EPN1: variants seen among roughly 807,000 people sequenced by gnomAD.
EPN1 encodes epsin-1.
A neutral mutation model predicts 56.9 loss-of-function variants in EPN1; 25 were observed. That is an observed-to-expected ratio of 0.44 (90% CI 0.32 to 0.61). The LOEUF (loss-of-function observed/expected upper bound fraction) is 0.61, where lower values mean the gene tolerates loss of function less well. EPN1 is among the 20% of genes least tolerant of loss of function. The pLI is 0.05. For synonymous variants in EPN1, 411 were observed against 361.8 expected (o/e 1.14, Z -1.54); for missense variants, 785 against 823.7 (o/e 0.95, Z 0.58).
In EPN1 at chr19:55,692,753, C is replaced by T. The variant is rs1361376045; in HGVS notation, c.1134C>T (p.Pro378=). 1.9e-6 allele frequency: 3 copies of T among 1,586,560 alleles called. No homozygotes were observed. Among genetic ancestry groups the T allele is most frequent in the African/African-American group, 1.3e-5 (1 of 74,432 alleles). The change falls in exon 8 of 11, where the codon CCC becomes CCT. Residue 378 remains proline, a synonymous_variant. Coordinates refer to ENST00000270460, the MANE Select transcript of EPN1 (RefSeq NM_001130072.2). Reference sequence around the variant, plus strand: ...CACCGGCCCCGGCCTTCTCAGATCCCTGGGGAGGGTCACCTGCCAAGCCCA... The same window carrying T: ...CACCGGCCCCGGCCTTCTCAGATCCTTGGGGAGGGTCACCTGCCAAGCCCA... The part of the protein sequence containing the change: ...PWTPAPAFSD[P]WGGSPAKPST...
Position 55,691,824 on chromosome 19 carries a change from G to T in EPN1, c.833G>T (p.Gly278Val). 1 of 1,610,064 alleles carries T rather than the reference G, an allele frequency of 6.2e-7. No homozygotes were observed. Among genetic ancestry groups the T allele is most frequent in the East Asian group, 2.2e-5 (1 of 44,810 alleles). Residue 278 changes from glycine (G) to valine (V), a missense_variant, in exon 7 of 11, where the codon GGC becomes GTC. Physicochemically the swap from Gly to Val is moderately radical, Grantham distance 109. Transcript: ENST00000270460. The surrounding 1 kb of genome is among the most constrained non-coding windows in gnomAD (Gnocchi z 5.6). ...GCCCCGACCACAGACCCCTGGGGGG[G>T]CCCAGCACCCATGGCTGCTGCCGTC... Reference protein sequence around the residue: ...APAPTTDPWGGPAPMAAAVPT... With the variant: ...APAPTTDPWGVPAPMAAAVPT...
rs922244217 is a variant in EPN1 at position 55,691,389 on chromosome 19, G to A, written c.763-365G>A. On this transcript the variant is annotated intron_variant, in intron 6 of 10. Transcript: ENST00000270460. This position sits in a 1 kb window ranked among gnomAD's most constrained non-coding sequence, Gnocchi z 5.6. ...AGGGAGGATCGAGCTGCTTCGGGTC[G>A]AGCGAGGGGAGGGCTTGGCCTCCAT... is the stretch of plus-strand genomic sequence containing the variant. Among the ~76,000 whole-genome samples the A allele has an allele frequency of 9.2e-5, 14 of 151,952 alleles. No individual in the cohort carries two copies. Among genetic ancestry groups the A allele is most frequent in the Non-Finnish European group, 1.5e-4 (10 of 67,980 alleles).
intron 1 of EPN1, chr19:55,677,084 G>C (rs1985485692): frequency 2.6e-6 from 4 of 1,534,652 alleles, no homozygotes; most frequent in South Asian, 2.4e-5. Flanking sequence ...GCAGAGGCCA[G>C]CCTCTCTCCG....
intron 2 of EPN1, among the ~76,000 whole-genome samples, chr19:55,679,383 C>T (rs1159467719): frequency 6.6e-6 from 1 of 152,234 alleles, no homozygotes; most frequent in Non-Finnish European, 1.5e-5. Context: ...TGGCCAAGGA[C>T]ATGGGCTGGG....
chr19:55,695,590 A>G lies in EPN1; in HGVS notation c.*234A>G. Reference sequence around the variant, plus strand: ...AGGAGGACCCCTTTCCCGTGGCATTAGAAGGGGGAGGGGTGGCTGGGGCCC... The same window carrying G: ...AGGAGGACCCCTTTCCCGTGGCATTGGAAGGGGGAGGGGTGGCTGGGGCCC... On this transcript the variant is annotated 3_prime_UTR_variant, in exon 11 of 11. Coordinates refer to ENST00000270460, the MANE Select transcript of EPN1 (RefSeq NM_001130072.2). This position sits in a 1 kb window ranked among gnomAD's most constrained non-coding sequence, Gnocchi z 4.4. 1.9e-6 allele frequency: 1 copy of G among 522,718 alleles called. No homozygotes were observed. Among genetic ancestry groups the G allele is most frequent in the Non-Finnish European group, 3.4e-6 (1 of 295,570 alleles). The allele number at this position is 522,718 out of a possible 1,614,324, so 32.4% of individuals were successfully genotyped here.
In EPN1 at chr19:55,689,745, C is replaced by A; in HGVS notation, c.679-122C>A. Reference sequence around the variant, plus strand: ...CCCCATTTCATACATTGTCCGCATCCCATCGAATCCTTCAGCCGCTTTCGT... The same window carrying A: ...CCCCATTTCATACATTGTCCGCATCACATCGAATCCTTCAGCCGCTTTCGT... On this transcript the variant is annotated intron_variant, in intron 5 of 10. Transcript: ENST00000270460. The surrounding 1 kb of genome is among the most constrained non-coding windows in gnomAD (Gnocchi z 5.7). The A allele has an allele frequency of 2.3e-6, 2 of 884,262 alleles. No individual in the cohort carries two copies. The highest frequency in any genetic ancestry group is 3.6e-6 in the Non-Finnish European group (2 of 550,326). The allele number at this position is 884,262 out of a possible 1,614,324, so 54.8% of individuals were successfully genotyped here. A position where few individuals can be genotyped will look rare whatever the true frequency, so the allele number is the denominator to read the frequency against.
At chr19:55,679,999 C>CT (rs1428418938) in intron 2 of EPN1, among the ~76,000 whole-genome samples, 2 of 152,098 alleles carry the variant, frequency 1.3e-5, no homozygotes, top group African/African-American at 2.4e-5. Context: ...TGGTCAGTGG[C>CT]TGGGGTGATG....
chr19:55,688,246 G>T (rs10403866), intron 3 of EPN1, among the ~76,000 whole-genome samples: 10,454 of 152,084 alleles, frequency 0.069, 710 homozygotes, highest in East Asian at 0.29. Flanking sequence ...AGGCGGGGTT[G>T]CTGAGAGGAT....
chr19:55,688,334 T>G (rs1986302090), intron 3 of EPN1, among the ~76,000 whole-genome samples: 1 of 151,986 alleles, frequency 6.6e-6, no homozygotes, highest in African/African-American at 2.4e-5. Flanking sequence ...CTCTCTCCCT[T>G]CCCCTCCTGC....
chr19:55,675,960 C>G (rs1012959546), intron 1 of EPN1, among the ~76,000 whole-genome samples: 1 of 152,204 alleles, frequency 6.6e-6, no homozygotes, highest in Non-Finnish European at 1.5e-5. Context: ...GAATCTGCCC[C>G]TTTTCCCCAG....
At chr19:55,682,969 C>A (rs555181068) in intron 2 of EPN1, among the ~76,000 whole-genome samples, 30 of 152,046 alleles carry the variant, frequency 2.0e-4, no homozygotes, top group East Asian at 3.9e-4. Context: ...ATTGGCCAGG[C>A]TGGTCTCGAA....
chr19:55,690,029 C>T, intron 6 of EPN1, 79 bp downstream of exon 6: 1 of 1,356,692 alleles, frequency 7.4e-7, no homozygotes, highest in Non-Finnish European at 1.0e-6. Context: ...GTGGCCAGGT[C>T]CCTGGAGCAG....
chr19:55,679,429 C>G (rs891446332), intron 2 of EPN1, among the ~76,000 whole-genome samples: 1 of 152,216 alleles, frequency 6.6e-6, no homozygotes, highest in Non-Finnish European at 1.5e-5. Flanking sequence ...ATCTCAGGCT[C>G]GTCCCTGAAT....
chr19:55,689,002 G>T lies in EPN1; in HGVS notation c.603+8G>T. The T allele has an allele frequency of 6.3e-7, 1 of 1,589,772 alleles. No homozygotes were observed. Among genetic ancestry groups the T allele is most frequent in the Non-Finnish European group, 8.5e-7 (1 of 1,172,108 alleles). The stretch of plus-strand genomic sequence containing the variant: ...AAGGAGGAGGCCGACCAGGTACTGG[G>T]CGTGCAGCTGGGGCTGTCTGTCCGC... On this transcript the variant is annotated splice_region_variant and intron_variant, in intron 4 of 10. Transcript: ENST00000270460. This position sits in a 1 kb window ranked among gnomAD's most constrained non-coding sequence, Gnocchi z 5.7.
At position 55,691,451 on chromosome 19, in the gene EPN1, G is replaced by A. The variant is rs1986540281; in HGVS notation, c.763-303G>A. On this transcript the variant is annotated intron_variant, in intron 6 of 10. Coordinates refer to ENST00000270460, the MANE Select transcript of EPN1 (RefSeq NM_001130072.2). This position sits in a 1 kb window ranked among gnomAD's most constrained non-coding sequence, Gnocchi z 5.6. The stretch of plus-strand genomic sequence containing the variant: ...GCCGGGCAAGGACCTGGGAGCAGGT[G>A]GAGTTAAGGGGCTGCCCTGCTGCAG... Among the ~76,000 whole-genome samples the A allele has an allele frequency of 6.6e-6, 1 of 151,864 alleles. No homozygotes were observed. Among genetic ancestry groups the A allele is most frequent in the Admixed American group, 6.5e-5 (1 of 15,268 alleles).
In EPN1 at chr19:55,694,407, C is replaced by T. The variant is rs1986782571; in HGVS notation, c.1265-319C>T. Reference sequence around the variant, plus strand: ...GCACCTGTGAACACGCCCCCGCTGCCTTCCCCCGCGGGCCTATAGACCCTG... The same window carrying T: ...GCACCTGTGAACACGCCCCCGCTGCTTTCCCCCGCGGGCCTATAGACCCTG... On this transcript the variant is annotated intron_variant, in intron 9 of 10. Transcript: ENST00000270460. This position sits in a 1 kb window ranked among gnomAD's most constrained non-coding sequence, Gnocchi z 4.2. 6.6e-6 allele frequency: 2 copies of T among 304,228 alleles called. No individual in the cohort carries two copies. Among genetic ancestry groups the T allele is most frequent in the African/African-American group, 2.1e-5 (1 of 46,524 alleles). 18.8% of individuals were successfully genotyped at this position (304,228 alleles called of 1,614,324 possible).
chr19:55,709,254 G>T lies in EPN1; in HGVS notation c.*13898G>T. On this transcript the variant is annotated 3_prime_UTR_variant, in exon 11 of 11. Transcript: ENST00000270460. ...CCATAAAGTGAAATTTCATATACAG[G>T]ATGTATCAATTAAGATTTAATTCAA... 2.9e-6 allele frequency: 1 copy of T among 348,308 alleles called. No individual in the cohort carries two copies. 21.6% of individuals were successfully genotyped at this position (348,308 alleles called of 1,614,324 possible). A position where few individuals can be genotyped will look rare whatever the true frequency, so the allele number is the denominator to read the frequency against.
Position 55,700,458 on chromosome 19 carries a change from T to C in EPN1, c.*5102T>C, listed in dbSNP as rs1416841697. 1 of 149,410 alleles carries C rather than the reference T, an allele frequency of 6.7e-6. No homozygotes were observed. The highest frequency in any genetic ancestry group is 1.5e-5 in the Non-Finnish European group (1 of 67,962). The allele number at this position is 149,410 out of a possible 1,614,324, so 9.3% of individuals were successfully genotyped here. A position where few individuals can be genotyped will look rare whatever the true frequency, so the allele number is the denominator to read the frequency against. Reference sequence around the variant, plus strand: ...TTTCTGTTTTTAGCAGAGACAGGGTTTCACCATATTGGCCAGGCTGGTCGA... The same window carrying C: ...TTTCTGTTTTTAGCAGAGACAGGGTCTCACCATATTGGCCAGGCTGGTCGA... On this transcript the variant is annotated 3_prime_UTR_variant, in exon 11 of 11. Transcript: ENST00000270460.
rs1051906421 is a variant in EPN1 at position 55,691,190 on chromosome 19, G to C, written c.763-564G>C. On this transcript the variant is annotated intron_variant, in intron 6 of 10. Coordinates refer to ENST00000270460, the MANE Select transcript of EPN1 (RefSeq NM_001130072.2). This position sits in a 1 kb window ranked among gnomAD's most constrained non-coding sequence, Gnocchi z 5.6. ...GTGCGATGACTGCGGGGTGACAGTG[G>C]GGCAATGGGCGTGGGAAGGCCTGCA... Among the ~76,000 whole-genome samples, 2 of 152,164 alleles carry C rather than the reference G, an allele frequency of 1.3e-5. No homozygotes were observed. The highest frequency in any genetic ancestry group is 1.5e-5 in the Non-Finnish European group (1 of 68,034).
Sources: allele counts gnomAD v4.1 joint callset (sites outside exome capture counted in the v4.1 genomes callset), GRCh38; gene constraint gnomAD v4.1.1; non-coding constraint Gnocchi (gnomAD v3.1); transcripts MANE v1.5; gene names NCBI Gene and HGNC (gene_info 2026-07-23, HGNC 2026-07-21).